Variants in COL25A1 observed in about 807,000 individuals in gnomAD.
COL25A1 encodes the protein collagen alpha-1(XXV) chain.
In COL25A1, 103 loss-of-function variants were observed where a neutral mutation model predicts 128.4. The observed-to-expected ratio is 0.80, with a 90% CI of 0.68 to 0.94. The LOEUF (loss-of-function observed/expected upper bound fraction) is 0.94, where lower values mean the gene tolerates loss of function less well. Among genes scored for constraint, COL25A1 ranks in the 40% least tolerant of loss-of-function variants. The pLI is 0.00. For missense variants in COL25A1, 745 were observed against 840.0 expected, an observed-to-expected ratio of 0.89 and a Z score of 1.40; for synonymous variants, 279 against 277.2, an observed-to-expected ratio of 1.01 and a Z score of -0.06.
chr4:108,981,601 A>G (rs190101062), intron 6 of COL25A1, among the ~76,000 whole-genome samples: 1 of 152,192 alleles, frequency 6.6e-6, no homozygotes, highest in African/African-American at 2.4e-5. Context: ...ACATGAAATA[A>G]CATATCTTGG....
chr4:109,053,081 C>A (rs1399100499), intron 3 of COL25A1, among the ~76,000 whole-genome samples: 1 of 151,972 alleles, frequency 6.6e-6, no homozygotes, highest in Non-Finnish European at 1.5e-5. Flanking sequence ...CTATCAGCAA[C>A]AGAGGAAGTG....
intron 3 of COL25A1, among the ~76,000 whole-genome samples, chr4:109,222,798 T>C (rs1490289074): frequency 1.3e-5 from 2 of 152,174 alleles, no homozygotes; most frequent in Non-Finnish European, 2.9e-5. Flanking sequence ...AACTGCATTG[T>C]TTTAAATAAC....
intron 3 of COL25A1, among the ~76,000 whole-genome samples, chr4:109,071,817 T>C (rs1297160287): frequency 1.3e-5 from 2 of 152,208 alleles, no homozygotes; most frequent in African/African-American, 4.8e-5. Flanking sequence ...GGTGAGGATG[T>C]GGAGAAATAG....
chr4:109,027,023 AATTG>A (rs1367647984), intron 5 of COL25A1, among the ~76,000 whole-genome samples: 2 of 152,214 alleles, frequency 1.3e-5, no homozygotes, highest in African/African-American at 2.4e-5. Flanking sequence ...AGAGGAATAA[AATTG>A]ATTATTTATT....
At chr4:109,286,993 T>G (rs1343634839) in intron 3 of COL25A1, among the ~76,000 whole-genome samples, 1 of 152,180 alleles carries the variant, frequency 6.6e-6, no homozygotes, top group Non-Finnish European at 1.5e-5. Context: ...ATCATTTATC[T>G]CCAGAAAAAC....
chr4:109,223,449 G>C (rs1315167949), intron 3 of COL25A1, among the ~76,000 whole-genome samples: 1 of 151,144 alleles, frequency 6.6e-6, no homozygotes, highest in Non-Finnish European at 1.5e-5. Context: ...CTTAAATATT[G>C]ACTTTAGAAT....
rs115651973 is a variant in COL25A1, at chr4:109,300,528, T to C, written c.367+55A>G. The C allele has an allele frequency of 7.6e-4, 932 of 1,228,404 alleles. 2 individuals are homozygous for C. The African/African-American group carries it at 0.012, about 15-fold the overall frequency. 76.1% of individuals were successfully genotyped at this position (1,228,404 alleles called of 1,614,324 possible). Reference sequence around the variant, plus strand: ...GGTAGACTTGACAGACACAGGACCTTTGTTTTAAAATGCTCTGCTCTGGAG... The same window carrying C: ...GGTAGACTTGACAGACACAGGACCTCTGTTTTAAAATGCTCTGCTCTGGAG... On this transcript the variant is annotated intron_variant, in intron 3 of 37. Transcript: ENST00000399132.
intron 6 of COL25A1, among the ~76,000 whole-genome samples, chr4:108,975,843 C>G (rs529827120): frequency 6.6e-6 from 1 of 152,020 alleles, no homozygotes; most frequent in African/African-American, 2.4e-5. Flanking sequence ...TTGTCCTTGG[C>G]CTACTGAATT....
intron 3 of COL25A1, among the ~76,000 whole-genome samples, chr4:109,218,019 T>G (rs1196993652): frequency 2.0e-5 from 3 of 152,118 alleles, no homozygotes; most frequent in Non-Finnish European, 4.4e-5. Flanking sequence ...GTTTGTGCTG[T>G]GGCGATCTGG....
chr4:108,957,534 A>G (rs376267367), intron 8 of COL25A1, among the ~76,000 whole-genome samples: 19 of 152,214 alleles, frequency 1.2e-4, no homozygotes, highest in African/African-American at 4.6e-4. Flanking sequence ...AATGTATAGG[A>G]AGTAGAAAAC....
At chr4:109,267,712 T>C (rs747695341) in intron 3 of COL25A1, among the ~76,000 whole-genome samples, 1 of 152,112 alleles carries the variant, frequency 6.6e-6, no homozygotes, top group Non-Finnish European at 1.5e-5. Context: ...AAAGAAACAC[T>C]CTGGAGCATT....
intron 3 of COL25A1, among the ~76,000 whole-genome samples, chr4:109,197,460 ATATT>A (rs1776185004): frequency 2.8e-5 from 2 of 70,610 alleles, no homozygotes; most frequent in Admixed American, 2.0e-4. Flanking sequence ...TTATATATAA[ATATT>A]ATATATAATA....
chr4:108,811,983 C>T lies in COL25A1; in HGVS notation c.*1944G>A, dbSNP rs1730833061. The T allele has an allele frequency of 6.6e-6, 1 of 152,140 alleles. No homozygotes were observed. Among genetic ancestry groups the T allele is most frequent in the Non-Finnish European group, 1.5e-5 (1 of 68,014 alleles). The allele number at this position is 152,140 out of a possible 1,614,324, so 9.4% of individuals were successfully genotyped here. ...TTCCCTTCTGGTGGTGACACCTATG[C>T]ATGAAACTAGAAATCTTCCCAGAAG... On this transcript the variant is annotated 3_prime_UTR_variant, in exon 38 of 38. Coordinates refer to ENST00000399132, the MANE Select transcript of COL25A1 (RefSeq NM_198721.4).
intron 3 of COL25A1, among the ~76,000 whole-genome samples, chr4:109,281,970 C>T (rs948900732): frequency 5.9e-5 from 9 of 152,246 alleles, no homozygotes; most frequent in Admixed American, 4.6e-4. Context: ...CTTTCTAAGT[C>T]ACAGTCGAAT....
At chr4:108,905,506 A>G (rs1176820503) in intron 13 of COL25A1, among the ~76,000 whole-genome samples, 1 of 151,080 alleles carries the variant, frequency 6.6e-6, no homozygotes, top group Non-Finnish European at 1.5e-5. Context: ...CCTAAAACTT[A>G]AAGTATAATA....
At chr4:109,193,109 A>G (rs1356523220) in intron 3 of COL25A1, among the ~76,000 whole-genome samples, 2 of 152,202 alleles carry the variant, frequency 1.3e-5, no homozygotes, top group Non-Finnish European at 2.9e-5. Context: ...ATTCTGTAAT[A>G]CAGGAATGGA....
At chr4:108,921,429 T>A (rs191700409) in intron 11 of COL25A1, among the ~76,000 whole-genome samples, 1 of 152,250 alleles carries the variant, frequency 6.6e-6, no homozygotes, top group Admixed American at 6.5e-5. Context: ...CTATTAAGCA[T>A]TTTCTTCCAG....
At chr4:109,137,822 T>A (rs1240580863) in intron 3 of COL25A1, among the ~76,000 whole-genome samples, 2 of 152,160 alleles carry the variant, frequency 1.3e-5, no homozygotes, top group Admixed American at 1.3e-4. Context: ...GTTAAAGGAA[T>A]CTGAACTTAT....
chr4:108,898,719 T>C (rs1463394586), intron 15 of COL25A1, among the ~76,000 whole-genome samples: 1 of 152,150 alleles, frequency 6.6e-6, no homozygotes, highest in Non-Finnish European at 1.5e-5. Context: ...AGCATTAGAA[T>C]GGCATTAGCA....
Sources: allele counts gnomAD v4.1 joint callset (sites outside exome capture counted in the v4.1 genomes callset), GRCh38; gene constraint gnomAD v4.1.1; transcripts MANE v1.5; gene names NCBI Gene and HGNC (gene_info 2026-07-23, HGNC 2026-07-21).